The following RSRC1 variants were observed in gnomAD, a reference collection of about 807,000 sequenced individuals.
The protein encoded by RSRC1 is arginine and serine rich coiled-coil 1.
A neutral mutation model predicts 49.1 loss-of-function variants in RSRC1; 39 were observed. That is an observed-to-expected ratio of 0.79 (90% confidence interval 0.61 to 1.04). The LOEUF is 1.04. Among genes scored for constraint, RSRC1 ranks in the 50% least tolerant of loss-of-function variants. The pLI is 0.00. For synonymous variants in RSRC1, 143 were observed against 130.8 expected, an observed-to-expected ratio of 1.09 and a Z score of -0.63; for missense variants, 388 against 402.4, an observed-to-expected ratio of 0.96 and a Z score of 0.31.
At chr3:158,141,895 C>T (rs145321908) in intron 3 of RSRC1, among the ~76,000 whole-genome samples, 3,110 of 152,158 alleles carry the variant, frequency 0.02, 50 homozygotes, top group Non-Finnish European at 0.032. Flanking sequence ...CTCAGGAGTT[C>T]GAGACCAGCC....
intron 4 of RSRC1, among the ~76,000 whole-genome samples, chr3:158,245,188 T>A (rs1423006420): frequency 6.6e-6 from 1 of 150,636 alleles, no homozygotes; most frequent in Non-Finnish European, 1.5e-5. Flanking sequence ...TTAACATTGC[T>A]TTAGTTGTGA....
intron 1 of RSRC1, among the ~76,000 whole-genome samples, chr3:158,121,066 T>A (rs1374043971): frequency 6.6e-6 from 1 of 151,912 alleles, no homozygotes; most frequent in Non-Finnish European, 1.5e-5. Flanking sequence ...AACTATATTT[T>A]ATATTATGAA....
intron 1 of RSRC1, among the ~76,000 whole-genome samples, chr3:158,118,462 T>TGTGCGCGCGCGCGCGC (rs1491469875): frequency 1.6e-5 from 2 of 124,682 alleles, no homozygotes; most frequent in African/African-American, 3.3e-5. Context: ...TGTGTGTGTG[T>TGTGCGCGCGCGCGCGC]GCGCGTGCGC....
chr3:158,484,507 G>T (rs1374012086), intron 7 of RSRC1, among the ~76,000 whole-genome samples: 1 of 152,032 alleles, frequency 6.6e-6, no homozygotes, highest in Admixed American at 6.6e-5. Context: ...GTGAGGATTT[G>T]CTGGTCTGTA....
intron 5 of RSRC1, among the ~76,000 whole-genome samples, chr3:158,312,025 G>A (rs1289632200): frequency 6.6e-6 from 1 of 152,048 alleles, no homozygotes; most frequent in Admixed American, 6.6e-5. Flanking sequence ...GGAAAAGCAA[G>A]TGGACATGGT....
chr3:158,519,543 A>G (rs1267432173), intron 7 of RSRC1, among the ~76,000 whole-genome samples: 1 of 152,012 alleles, frequency 6.6e-6, no homozygotes, highest in Non-Finnish European at 1.5e-5. Context: ...AAGCTAAAAA[A>G]TAAATTTCAA....
intron 6 of RSRC1, among the ~76,000 whole-genome samples, chr3:158,413,210 A>G (rs925446712): frequency 2.0e-5 from 3 of 152,166 alleles, no homozygotes; most frequent in Admixed American, 2.0e-4. Context: ...CTGATCTTCA[A>G]CATACCTGAC....
intron 6 of RSRC1, among the ~76,000 whole-genome samples, chr3:158,391,787 G>A (rs1179468474): frequency 1.3e-5 from 2 of 152,074 alleles, no homozygotes; most frequent in East Asian, 1.9e-4. Context: ...AATATATTTT[G>A]TGGGTCAAAT....
intron 7 of RSRC1, among the ~76,000 whole-genome samples, chr3:158,478,624 A>C (rs980065678): frequency 6.6e-6 from 1 of 151,966 alleles, no homozygotes; most frequent in Non-Finnish European, 1.5e-5. Flanking sequence ...TCTATCCACA[A>C]TAGGATATCA....
At chr3:158,186,440 T>C (rs1486817162) in intron 3 of RSRC1, among the ~76,000 whole-genome samples, 1 of 151,984 alleles carries the variant, frequency 6.6e-6, no homozygotes, top group African/African-American at 2.4e-5. Flanking sequence ...AATGGTCTTT[T>C]ATGGTTACTT....
At chr3:158,520,954 G>A (rs753276120) in intron 7 of RSRC1, among the ~76,000 whole-genome samples, 31 of 152,002 alleles carry the variant, frequency 2.0e-4, no homozygotes, top group Non-Finnish European at 3.8e-4. Context: ...GAATTCCCTG[G>A]TTATTCCCTG....
chr3:158,424,056 C>G (rs979222353), intron 6 of RSRC1, among the ~76,000 whole-genome samples: 4 of 151,660 alleles, frequency 2.6e-5, no homozygotes, highest in Non-Finnish European at 5.9e-5. Flanking sequence ...TAATTGAATA[C>G]CCTTTATTTC....
chr3:158,122,114 C>T lies in RSRC1; in HGVS notation c.10C>T (p.Arg4Trp), dbSNP rs772905880. Residue 4 changes from arginine (R) to tryptophan (W), a missense_variant, in exon 2 of 10, where the codon CGG becomes TGG. Transcript: ENST00000611884. MGRRSSDTEEESRS... is the reference protein window; with the variant it reads MGRWSSDTEEESRS... The stretch of plus-strand genomic sequence containing the variant: ...ATTTATGCTTATAGAAATGGGACGT[C>T]GGTCATCAGATACTGAAGAAGAAAG... 1.4e-5 allele frequency: 21 copies of T among 1,498,702 alleles called. No individual in the cohort carries two copies. The Middle Eastern group carries it at 1.1e-3, about 76-fold the overall frequency. 92.8% of individuals were successfully genotyped at this position (1,498,702 alleles called of 1,614,324 possible). A position where few individuals can be genotyped will look rare whatever the true frequency, so the allele number is the denominator to read the frequency against.
intron 6 of RSRC1, among the ~76,000 whole-genome samples, chr3:158,357,652 A>T (rs980221083): frequency 2.7e-5 from 4 of 149,116 alleles, no homozygotes; most frequent in Non-Finnish European, 5.9e-5. Flanking sequence ...TATTAAAAAT[A>T]AGCAAATAAA....
At chr3:158,493,516 G>A (rs1393038747) in intron 7 of RSRC1, among the ~76,000 whole-genome samples, 1 of 152,086 alleles carries the variant, frequency 6.6e-6, no homozygotes, top group African/African-American at 2.4e-5. Context: ...TCAAATTAGA[G>A]AAAATAGATT....
intron 4 of RSRC1, among the ~76,000 whole-genome samples, chr3:158,284,733 T>A (rs1405724677): frequency 1.3e-5 from 2 of 152,068 alleles, no homozygotes; most frequent in Non-Finnish European, 2.9e-5. Flanking sequence ...CACTTTTTGA[T>A]GGGGTTGTTT....
intron 6 of RSRC1, among the ~76,000 whole-genome samples, chr3:158,409,809 C>A (rs1007238528): frequency 6.6e-6 from 1 of 152,042 alleles, no homozygotes; most frequent in Non-Finnish European, 1.5e-5. Flanking sequence ...TTAGAAAAAA[C>A]CATTAGAATA....
intron 6 of RSRC1, among the ~76,000 whole-genome samples, chr3:158,374,127 G>A (rs1485732530): frequency 6.6e-6 from 1 of 151,938 alleles, no homozygotes; most frequent in Non-Finnish European, 1.5e-5. Context: ...AATACAAGGG[G>A]GAAAGCTGAT....
intron 4 of RSRC1, among the ~76,000 whole-genome samples, chr3:158,218,971 A>C (rs547444020): frequency 1.8e-4 from 27 of 151,656 alleles, no homozygotes; most frequent in Non-Finnish European, 3.8e-4. Flanking sequence ...AAATAATGAT[A>C]ACAATGTAGT....
Sources: gnomAD v4.1 joint callset for allele counts (sites outside exome capture counted in the v4.1 genomes callset) on GRCh38, gnomAD v4.1.1 for gene constraint, MANE v1.5 for transcripts, NCBI Gene and HGNC (gene_info 2026-07-23, HGNC 2026-07-21) for gene names.